CLCN5: variants seen among roughly 807,000 people sequenced by gnomAD.
The protein encoded by CLCN5 is H(+)/Cl(-) exchange transporter 5.
A neutral mutation model predicts 54.0 loss-of-function variants in CLCN5; 17 were observed. The ratio of observed to expected loss-of-function variants is 0.31; its 90% CI spans 0.22 to 0.47. The LOEUF is 0.47. CLCN5 is among the 20% of genes least tolerant of loss of function. CLCN5 has a pLI of 1.00. For synonymous variants in CLCN5, 222 were observed against 233.0 expected (o/e 0.95, Z 0.43); for missense variants, 448 against 646.7 (o/e 0.69, Z 3.33).
chrX:50,056,273 C>G (rs1159230118), intron 4 of CLCN5, among the ~76,000 whole-genome samples: 2 of 110,744 alleles, frequency 1.8e-5, no homozygotes, highest in African/African-American at 6.6e-5. Flanking sequence ...GCTTCTAAAA[C>G]AACAATTAGA....
intron 3 of CLCN5, among the ~76,000 whole-genome samples, chrX:50,027,598 A>C: frequency 9.0e-6 from 1 of 110,955 alleles, no homozygotes; most frequent in East Asian, 2.8e-4. Context: ...TGCTTACATT[A>C]CTCATCTGCT....
At chrX:50,002,681 CTGTG>C (rs60257335) in intron 3 of CLCN5, among the ~76,000 whole-genome samples, 4,241 of 94,532 alleles carry the variant, frequency 0.045, 307 homozygotes, top group African/African-American at 0.15. Flanking sequence ...CTCTCTCTCT[CTGTG>C]TGTGTGTGTG....
chrX:49,928,442 G>A (rs528598113), intron 3 of CLCN5, among the ~76,000 whole-genome samples: 22 of 112,036 alleles, frequency 2.0e-4, no homozygotes, highest in African/African-American at 6.8e-4. Flanking sequence ...ATATTGTGTA[G>A]CATATAATAA....
chrX:50,089,987 C>T, intron 12 of CLCN5, 129 bp from the exon 13 acceptor site: 1 of 648,612 alleles, frequency 1.5e-6, no homozygotes, highest in Non-Finnish European at 2.5e-6. Flanking sequence ...TTCTTGCAAT[C>T]TCTGGGGTCT....
chrX:50,085,868 C>T (rs1188607882), intron 9 of CLCN5, 112 bp from the exon 10 acceptor site: 1 of 650,166 alleles, frequency 1.5e-6, no homozygotes, highest in Non-Finnish European at 2.5e-6. Flanking sequence ...TATGGAACAT[C>T]TAGAGGTATT....
At chrX:49,925,116 G>A in intron 2 of CLCN5, 55 bp from the exon 3 acceptor site, 1 of 495,004 alleles carries the variant, frequency 2.0e-6, no homozygotes, top group Non-Finnish European at 3.5e-6. Context: ...TAATTTTCAA[G>A]CATTTGAAGT....
intron 4 of CLCN5, among the ~76,000 whole-genome samples, chrX:50,046,532 G>T (rs1219524262): frequency 7.2e-5 from 8 of 111,193 alleles, no homozygotes; most frequent in African/African-American, 2.6e-4. Context: ...AGGCCCCCTG[G>T]GGTGGGAAGG....
intron 3 of CLCN5, among the ~76,000 whole-genome samples, chrX:50,039,123 AAAAC>A (rs1447660957): frequency 6.3e-5 from 7 of 111,074 alleles, no homozygotes; most frequent in African/African-American, 9.8e-5. Context: ...TACAAAAAAC[AAAAC>A]AAACAAACAA....
intron 3 of CLCN5, among the ~76,000 whole-genome samples, chrX:50,030,631 T>G (rs1488687505): frequency 8.9e-6 from 1 of 112,264 alleles, no homozygotes; most frequent in Non-Finnish European, 1.9e-5. Flanking sequence ...TATTTGCTTC[T>G]TGGTTTTTTA....
At chrX:50,002,681 CTGTGTGTGTGTGTG>C (rs60257335) in intron 3 of CLCN5, among the ~76,000 whole-genome samples, 4 of 94,764 alleles carry the variant, frequency 4.2e-5, no homozygotes, top group Non-Finnish European at 8.3e-5. Context: ...CTCTCTCTCT[CTGTGTGTGTGTGTG>C]TGTGTGTGTG....
intron 3 of CLCN5, among the ~76,000 whole-genome samples, chrX:50,029,712 A>C (rs1021661849): frequency 9.8e-5 from 11 of 111,829 alleles, no homozygotes; most frequent in Non-Finnish European, 1.7e-4. Context: ...TTAGAATGGC[A>C]ATCATTAAAA....
At chrX:49,940,551 G>A (rs1926273621) in intron 3 of CLCN5, among the ~76,000 whole-genome samples, 1 of 112,325 alleles carries the variant, frequency 8.9e-6, no homozygotes, top group Non-Finnish European at 1.9e-5. Flanking sequence ...TCAGAGACTA[G>A]CTTTTGGAAG....
intron 3 of CLCN5, among the ~76,000 whole-genome samples, chrX:50,038,158 A>G (rs1472179550): frequency 3.6e-5 from 4 of 112,119 alleles, no homozygotes; most frequent in Admixed American, 9.5e-5. Flanking sequence ...TTGAGTATGA[A>G]AACAATAGCA....
At chrX:50,032,802 A>G (rs1418420181) in intron 3 of CLCN5, among the ~76,000 whole-genome samples, 6 of 109,309 alleles carry the variant, frequency 5.5e-5, no homozygotes, top group African/African-American at 1.7e-4. Context: ...GCCCATGCCT[A>G]TGTCCTGAAT....
intron 3 of CLCN5, among the ~76,000 whole-genome samples, chrX:50,035,796 C>G (rs181734553): frequency 8.9e-6 from 1 of 112,318 alleles, no homozygotes; most frequent in Non-Finnish European, 1.9e-5. Context: ...TAACTCTCTA[C>G]GCATGGGGAA....
chrX:49,937,120 G>C (rs1926038079), intron 3 of CLCN5, among the ~76,000 whole-genome samples: 1 of 111,045 alleles, frequency 9.0e-6, no homozygotes, highest in Non-Finnish European at 1.9e-5. Flanking sequence ...TGGTGTCCAA[G>C]ATAAATTTTT....
rs184149084 is a variant in CLCN5 at position 50,068,489 on chromosome X, C to G, written c.164-1390C>G. On this transcript the variant is annotated intron_variant, in intron 4 of 14. Coordinates refer to ENST00000376091, the MANE Select transcript of CLCN5 (RefSeq NM_001127898.4). Reference sequence around the variant, plus strand: ...TTTCCACTCCACCCCCACCCCGCCCCCACCCTACAGATGATTTGGACTCTG... The same window carrying G: ...TTTCCACTCCACCCCCACCCCGCCCGCACCCTACAGATGATTTGGACTCTG... Among the ~76,000 whole-genome samples, 664 of 102,578 alleles carry G rather than the reference C, an allele frequency of 6.5e-3. 10 individuals are homozygous for G. The highest frequency in any genetic ancestry group is 0.023 in the African/African-American group (644 of 27,853). 89.1% of individuals were successfully genotyped at this position (102,578 alleles called of 115,157 possible).
At chrX:49,962,358 T>C (rs1927638786) in intron 3 of CLCN5, among the ~76,000 whole-genome samples, 1 of 111,566 alleles carries the variant, frequency 9.0e-6, no homozygotes, top group African/African-American at 3.3e-5. Flanking sequence ...GAAGACACCC[T>C]CTTTCAATGG....
intron 9 of CLCN5, among the ~76,000 whole-genome samples, chrX:50,082,381 C>T (rs782338475): frequency 8.1e-4 from 88 of 108,834 alleles, no homozygotes; most frequent in African/African-American, 2.1e-3. Flanking sequence ...GGCATGATCA[C>T]GGCTCACTGC....
Sources: allele counts gnomAD v4.1 joint callset (sites outside exome capture counted in the v4.1 genomes callset), GRCh38; gene constraint gnomAD v4.1.1; transcripts MANE v1.5; gene names NCBI Gene and HGNC (gene_info 2026-07-23, HGNC 2026-07-21).